Variants in ANKDD1B observed in about 807,000 individuals in gnomAD.
ANKDD1B encodes the protein ankyrin repeat and death domain containing 1B, also known as ankyrin repeat and death domain-containing protein 1B.
In ANKDD1B, 57 loss-of-function variants were observed where a neutral mutation model predicts 59.7. That is an observed-to-expected ratio of 0.95 (90% CI 0.77 to 1.19). The LOEUF is 1.19. ANKDD1B is among the 50% of genes most tolerant of loss of function. ANKDD1B has a pLI of 0.00. For synonymous variants in ANKDD1B, 216 were observed against 239.5 expected (o/e 0.90, Z 0.91); for missense variants, 602 against 641.9 (o/e 0.94, Z 0.67).
At chr5:75,660,485 T>C (rs1400658982) in intron 10 of ANKDD1B, among the ~76,000 whole-genome samples, 1 of 152,274 alleles carries the variant, frequency 6.6e-6, no homozygotes, top group African/African-American at 2.4e-5. Flanking sequence ...ATTTTGTTCA[T>C]TCATTCATCC....
chr5:75,669,358 A>G lies in ANKDD1B; in HGVS notation c.1500A>G (p.Val500=). 7.3e-6 allele frequency: 9 copies of G among 1,232,188 alleles called. No individual in the cohort carries two copies. Among genetic ancestry groups the G allele is most frequent in the Non-Finnish European group, 9.1e-6 (9 of 987,952 alleles). 76.3% of individuals were successfully genotyped at this position (1,232,188 alleles called of 1,614,324 possible). A position where few individuals can be genotyped will look rare whatever the true frequency, so the allele number is the denominator to read the frequency against. Residue 500 remains valine, a synonymous_variant, in exon 13 of 14, where the codon GTA becomes GTG. Transcript: ENST00000601380. ...CCAAGCAACTGTATGAAGAGCTGGT[A>G]CACGCAGGTTTCCCAAAACTAGCTG... ...DPAKQLYEEL[V]HAGFPKLAEK... is the part of the protein sequence containing the mutation.
chr5:75,639,492 C>T (rs188414554), intron 7 of ANKDD1B, among the ~76,000 whole-genome samples: 27 of 152,208 alleles, frequency 1.8e-4, no homozygotes, highest in African/African-American at 5.5e-4. Flanking sequence ...CCACTGCACC[C>T]GGCGGAGAAA....
intron 5 of ANKDD1B, among the ~76,000 whole-genome samples, chr5:75,631,893 G>A (rs1382937270): frequency 1.3e-5 from 2 of 152,050 alleles, no homozygotes; most frequent in Non-Finnish European, 2.9e-5. Flanking sequence ...ATAACTTGAG[G>A]TCTGGAGTTT....
intron 10 of ANKDD1B, among the ~76,000 whole-genome samples, chr5:75,659,941 G>T (rs1410231149): frequency 6.7e-6 from 1 of 150,178 alleles, no homozygotes; most frequent in Non-Finnish European, 1.5e-5. Flanking sequence ...TTTTTTTTTA[G>T]AGCTGCATAG....
intron 5 of ANKDD1B, 65 bp downstream of exon 5, chr5:75,626,020 T>C: frequency 1.7e-6 from 2 of 1,208,690 alleles, no homozygotes; most frequent in Admixed American, 4.0e-5. Context: ...TCTTCCTGCC[T>C]CTGGTACAGC....
chr5:75,648,336 G>A (rs893929640), intron 7 of ANKDD1B, among the ~76,000 whole-genome samples: 1 of 150,892 alleles, frequency 6.6e-6, no homozygotes, highest in African/African-American at 2.4e-5. Flanking sequence ...GGAGAGCTGT[G>A]CCTCTACAGT....
chr5:75,651,060 G>C (rs1352249733), intron 7 of ANKDD1B, among the ~76,000 whole-genome samples: 1 of 152,218 alleles, frequency 6.6e-6, no homozygotes, highest in Non-Finnish European at 1.5e-5. Context: ...ACAAAAGGCA[G>C]AGAGCAGCAG....
At chr5:75,642,157 T>C (rs571603770) in intron 7 of ANKDD1B, among the ~76,000 whole-genome samples, 16 of 152,314 alleles carry the variant, frequency 1.1e-4, no homozygotes, top group Non-Finnish European at 2.1e-4. Flanking sequence ...AAAATCAAAG[T>C]AGTGTGAGTT....
At chr5:75,619,928 G>T (rs570306082) in intron 2 of ANKDD1B, among the ~76,000 whole-genome samples, 5 of 152,212 alleles carry the variant, frequency 3.3e-5, no homozygotes, top group African/African-American at 1.2e-4. Context: ...GAAAATTTCC[G>T]CTATGCATTA....
intron 10 of ANKDD1B, among the ~76,000 whole-genome samples, chr5:75,661,847 C>G (rs1385888627): frequency 3.3e-5 from 5 of 149,360 alleles, no homozygotes; most frequent in Non-Finnish European, 7.4e-5. Context: ...AGTTGGCACC[C>G]AATACATAGT....
chr5:75,611,673 G>A lies in ANKDD1B; in HGVS notation c.39G>A (p.Thr13=), dbSNP rs1288622080. 26 of 1,231,626 alleles carry A rather than the reference G, an allele frequency of 2.1e-5. No individual in the cohort carries two copies. Among genetic ancestry groups the A allele is most frequent in the Non-Finnish European group, 2.6e-5 (26 of 988,108 alleles). The allele number at this position is 1,231,626 out of a possible 1,614,324, so 76.3% of individuals were successfully genotyped here. The change falls in exon 1 of 14, where the codon ACG becomes ACA. Residue 13 remains threonine (T), a synonymous_variant. Coordinates refer to ENST00000601380, the MANE Select transcript of ANKDD1B (RefSeq NM_001276713.2). ...PAGRARGQGA[T]AGGLLLRAAA... is the part of the protein sequence containing the mutation. ...GGCGCGCCCGGGGCCAAGGGGCCAC[G>A]GCAGGGGGGCTGCTGCTCCGGGCTG... is the stretch of plus-strand genomic sequence containing the variant.
At chr5:75,642,203 A>T (rs185227123) in intron 7 of ANKDD1B, among the ~76,000 whole-genome samples, 1 of 152,240 alleles carries the variant, frequency 6.6e-6, no homozygotes, top group African/African-American at 2.4e-5. Context: ...TTGATGCAAT[A>T]AATAAACACA....
intron 8 of ANKDD1B, among the ~76,000 whole-genome samples, chr5:75,654,636 C>T (rs754724568): frequency 2.0e-5 from 3 of 152,030 alleles, no homozygotes; most frequent in Non-Finnish European, 4.4e-5. Flanking sequence ...ATGACGATGA[C>T]TCCATTGCCC....
chr5:75,629,840 A>AG (rs1473283899), intron 5 of ANKDD1B, among the ~76,000 whole-genome samples: 8 of 152,272 alleles, frequency 5.3e-5, no homozygotes, highest in African/African-American at 1.9e-4. Flanking sequence ...CGGGAGGCTG[A>AG]GGTGGGAGGA....
chr5:75,626,418 G>A (rs1328763762), intron 5 of ANKDD1B, among the ~76,000 whole-genome samples: 1 of 152,058 alleles, frequency 6.6e-6, no homozygotes, highest in Non-Finnish European at 1.5e-5. Flanking sequence ...ACTACTTAAC[G>A]AGTATCTATT....
chr5:75,620,757 T>C (rs535035497), intron 3 of ANKDD1B, among the ~76,000 whole-genome samples: 12 of 152,308 alleles, frequency 7.9e-5, no homozygotes, highest in South Asian at 2.1e-4. Context: ...ATATTGACTT[T>C]GCTCTATGAA....
chr5:75,662,461 A>C (rs990894367), intron 10 of ANKDD1B, among the ~76,000 whole-genome samples: 2 of 152,164 alleles, frequency 1.3e-5, no homozygotes, highest in African/African-American at 4.8e-5. Flanking sequence ...ATATTTCTGG[A>C]TCCATAAGGG....
intron 8 of ANKDD1B, among the ~76,000 whole-genome samples, chr5:75,653,526 C>A (rs1167442454): frequency 6.6e-6 from 1 of 152,128 alleles, no homozygotes; most frequent in African/African-American, 2.4e-5. Flanking sequence ...TCTAGAGATG[C>A]CATTACTCTT....
chr5:75,664,447 T>C (rs933081306), intron 11 of ANKDD1B, among the ~76,000 whole-genome samples: 4 of 152,180 alleles, frequency 2.6e-5, no homozygotes, highest in Non-Finnish European at 5.9e-5. Flanking sequence ...ATTTTAACAA[T>C]TGGAACTCTG....
Sources: allele counts gnomAD v4.1 joint callset (sites outside exome capture counted in the v4.1 genomes callset), GRCh38; gene constraint gnomAD v4.1.1; transcripts MANE v1.5; gene names NCBI Gene and HGNC (gene_info 2026-07-23, HGNC 2026-07-21).